Variants in SHISA9 observed in about 807,000 individuals in gnomAD.
SHISA9 encodes the protein shisa family member 9.
A neutral mutation model predicts 38.0 loss-of-function variants in SHISA9; 13 were observed. That is an observed-to-expected ratio of 0.34 (90% CI 0.22 to 0.54). The LOEUF (loss-of-function observed/expected upper bound fraction) is 0.54. SHISA9 is among the 20% of genes least tolerant of loss of function. The pLI is 0.91. For missense variants in SHISA9, 538 were observed against 575.8 expected, an observed-to-expected ratio of 0.93 and a Z score of 0.67; for synonymous variants, 275 against 242.0, an observed-to-expected ratio of 1.14 and a Z score of -1.27.
chr16:13,469,365 AAAAGAAAGAAAGAAAGAAAGAAAGAAAG>A, the SHISA9 span, among the ~76,000 whole-genome samples: 204 of 64,526 alleles, frequency 3.2e-3, 2 homozygotes, highest in Middle Eastern at 0.013. Context: ...AAAGAAAAGA[AAAAGAAAGAAAGAAAGAAAGAAAGAAAG>A]AAAGAAAGAA....
intron 2 of SHISA9, among the ~76,000 whole-genome samples, chr16:12,957,705 A>G (rs1368923671): frequency 2.0e-5 from 3 of 152,146 alleles, no homozygotes; most frequent in Middle Eastern, 3.2e-3. Context: ...ACAAAATACT[A>G]TAAACTAAGA....
At chr16:13,249,150 A>T in the SHISA9 span, among the ~76,000 whole-genome samples, 1 of 152,174 alleles carries the variant, frequency 6.6e-6, no homozygotes, top group South Asian at 2.1e-4. Flanking sequence ...GTGAAGCACC[A>T]TGTTGGTTAT....
At chr16:13,193,506 G>A (rs964250842) in intron 2 of SHISA9, among the ~76,000 whole-genome samples, 7 of 151,912 alleles carry the variant, frequency 4.6e-5, no homozygotes, top group Admixed American at 2.0e-4. Context: ...TACCATGCCC[G>A]GCTAATTTTT....
chr16:13,407,073 A>G, the SHISA9 span, among the ~76,000 whole-genome samples: 1 of 145,110 alleles, frequency 6.9e-6, no homozygotes, highest in African/African-American at 2.6e-5. Flanking sequence ...TGTCTCACAA[A>G]AAAAAAAAAA....
the SHISA9 span, among the ~76,000 whole-genome samples, chr16:13,384,111 G>A: frequency 7.5e-3 from 1,139 of 152,222 alleles, 14 homozygotes; most frequent in African/African-American, 0.026. Flanking sequence ...TATACATTTA[G>A]GATTTTTTTA....
chr16:13,190,822 T>G (rs2142040872), intron 2 of SHISA9, among the ~76,000 whole-genome samples: 1 of 151,896 alleles, frequency 6.6e-6, no homozygotes, highest in African/African-American at 2.4e-5. Flanking sequence ...TGGTTCAAAT[T>G]TTTTTTTTAA....
chr16:13,346,375 C>CA, the SHISA9 span, among the ~76,000 whole-genome samples: 1 of 152,174 alleles, frequency 6.6e-6, no homozygotes, highest in African/African-American at 2.4e-5. Flanking sequence ...AGGTCTCAGG[C>CA]AAAACTGGGT....
At chr16:13,018,368 A>C (rs186352868) in intron 2 of SHISA9, among the ~76,000 whole-genome samples, 1 of 152,242 alleles carries the variant, frequency 6.6e-6, no homozygotes, top group African/African-American at 2.4e-5. Flanking sequence ...CGCAATGGCC[A>C]GTGAAGACCA....
At chr16:13,399,535 T>C in the SHISA9 span, among the ~76,000 whole-genome samples, 1 of 152,180 alleles carries the variant, frequency 6.6e-6, no homozygotes, top group Admixed American at 6.5e-5. Context: ...TCAAGACCGG[T>C]CCACTCATGT....
At chr16:13,366,925 G>A in the SHISA9 span, among the ~76,000 whole-genome samples, 1 of 147,678 alleles carries the variant, frequency 6.8e-6, no homozygotes, top group Non-Finnish European at 1.5e-5. Context: ...GGAGGTTGCA[G>A]TGAGCTGAGA....
chr16:13,090,478 G>T (rs1189434063), intron 2 of SHISA9, among the ~76,000 whole-genome samples: 9 of 152,300 alleles, frequency 5.9e-5, no homozygotes, highest in Non-Finnish European at 1.2e-4. Context: ...TTATGAATCT[G>T]GGTGCTCCTG....
the SHISA9 span, among the ~76,000 whole-genome samples, chr16:13,436,284 G>C: frequency 2.6e-5 from 4 of 152,200 alleles, no homozygotes. Flanking sequence ...ATCCAAGATG[G>C]CGACTAAAAG....
At chr16:13,060,535 C>T (rs182482475) in intron 2 of SHISA9, among the ~76,000 whole-genome samples, 253 of 149,232 alleles carry the variant, frequency 1.7e-3, no homozygotes, top group African/African-American at 5.8e-3. Flanking sequence ...ATGGTAGGTG[C>T]TACTTTTTAT....
chr16:13,207,250 G>A (rs565103478), intron 3 of SHISA9, among the ~76,000 whole-genome samples: 4 of 152,206 alleles, frequency 2.6e-5, no homozygotes, highest in Non-Finnish European at 5.9e-5. Context: ...ACACCCAGTC[G>A]CTCCCTGGGA....
At position 12,901,919 on chromosome 16, in the gene SHISA9, G is replaced by T. The variant is rs1055182950; in HGVS notation, c.-146G>T. The stretch of plus-strand genomic sequence containing the variant: ...CCGAGCGCAGTGGCCGCCGACCACC[G>T]AGCGCCCCGCGCCGCTCCCTGCATG... On this transcript the variant is annotated 5_prime_UTR_variant, in exon 1 of 5. Transcript: ENST00000558583. 2 of 455,898 alleles carry T rather than the reference G, an allele frequency of 4.4e-6. No individual in the cohort carries two copies. Among genetic ancestry groups the T allele is most frequent in the African/African-American group, 2.1e-5 (1 of 47,788 alleles). 28.2% of individuals were successfully genotyped at this position (455,898 alleles called of 1,614,324 possible). A position where few individuals can be genotyped will look rare whatever the true frequency, so the allele number is the denominator to read the frequency against.
At chr16:13,245,244 C>T (rs1032455371), downstream of SHISA9, among the ~76,000 whole-genome samples, 1 of 152,070 alleles carries the variant, frequency 6.6e-6, no homozygotes. Context: ...AATTGAGGGA[C>T]ATGCTAAATT....
the SHISA9 span, among the ~76,000 whole-genome samples, chr16:13,321,282 T>C: frequency 1.3e-5 from 2 of 152,348 alleles, no homozygotes; most frequent in African/African-American, 4.8e-5. Context: ...AGTATGACTT[T>C]CTCTCCAGAG....
chr16:13,097,160 A>G (rs532961393), intron 2 of SHISA9, among the ~76,000 whole-genome samples: 7 of 152,294 alleles, frequency 4.6e-5, no homozygotes, highest in Admixed American at 2.0e-4. Context: ...GTGAATCCCT[A>G]TACAGAACCC....
chr16:13,418,416 C>T, the SHISA9 span, among the ~76,000 whole-genome samples: 1 of 152,272 alleles, frequency 6.6e-6, no homozygotes, highest in East Asian at 1.9e-4. Flanking sequence ...CTGGCGCCTC[C>T]ATTCTTCACC....
Sources: allele counts gnomAD v4.1 joint callset (sites outside exome capture counted in the v4.1 genomes callset), GRCh38; gene constraint gnomAD v4.1.1; transcripts MANE v1.5; gene names NCBI Gene and HGNC (gene_info 2026-07-23, HGNC 2026-07-21).